The following CSGALNACT1 variants were observed in gnomAD, a reference collection of about 807,000 sequenced individuals.
CSGALNACT1 encodes the protein beta4GalNAcT-1.
In CSGALNACT1, 52 loss-of-function variants were observed where a neutral mutation model predicts 51.0. The observed-to-expected ratio is 1.02, with a 90% confidence interval of 0.82 to 1.29. The LOEUF (loss-of-function observed/expected upper bound fraction) is 1.29, where lower values mean the gene tolerates loss of function less well. CSGALNACT1 is among the 50% of genes most tolerant of loss of function. CSGALNACT1 has a pLI of 0.00. For missense variants in CSGALNACT1, 935 were observed against 679.2 expected, an observed-to-expected ratio of 1.38 and a Z score of -4.19; for synonymous variants, 341 against 254.4, an observed-to-expected ratio of 1.34 and a Z score of -3.24.
At chr8:19,725,985 C>T (rs1199120690) in intron 1 of CSGALNACT1, among the ~76,000 whole-genome samples, 1 of 152,094 alleles carries the variant, frequency 6.6e-6, no homozygotes, top group Non-Finnish European at 1.5e-5. Context: ...TGACATGGAG[C>T]CACAATTATA....
chr8:19,589,415 TC>T (rs1229821834), intron 3 of CSGALNACT1, among the ~76,000 whole-genome samples: 27 of 152,310 alleles, frequency 1.8e-4, no homozygotes, highest in South Asian at 8.3e-4. Flanking sequence ...AACCTCCGTC[TC>T]CCAGGTTCAA....
chr8:19,442,963 A>C (rs2061557694), intron 5 of CSGALNACT1, among the ~76,000 whole-genome samples: 1 of 152,140 alleles, frequency 6.6e-6, no homozygotes, highest in African/African-American at 2.4e-5. Flanking sequence ...ACCCTTCCCA[A>C]GCAGATATCA....
upstream of CSGALNACT1, among the ~76,000 whole-genome samples, chr8:19,684,555 C>G (rs1049984809): frequency 1.3e-5 from 2 of 152,140 alleles, no homozygotes; most frequent in Admixed American, 6.5e-5. Context: ...AAAAAGGGAA[C>G]AGATGCCTCC....
chr8:19,501,785 T>C (rs1283750905), intron 4 of CSGALNACT1, among the ~76,000 whole-genome samples: 2 of 152,244 alleles, frequency 1.3e-5, no homozygotes, highest in Admixed American at 6.5e-5. Context: ...GATTAGTTTG[T>C]ATATCCCATC....
intron 4 of CSGALNACT1, among the ~76,000 whole-genome samples, chr8:19,493,871 TACACACACACACACACACACAC>T (rs57708862): frequency 1.3e-5 from 2 of 149,002 alleles, no homozygotes; most frequent in African/African-American, 2.5e-5. Flanking sequence ...TGTGTGTTTA[TACACACACACACACACACACAC>T]ACACACACAC....
chr8:19,404,883 C>T (rs572622031), exon 10 of CSGALNACT1: 2 of 454,468 alleles, frequency 4.4e-6, no homozygotes, highest in East Asian at 7.0e-5. Flanking sequence ...CGAAAATACT[C>T]TTCAGAGAAA....
chr8:19,564,076 C>T (rs889299617), intron 3 of CSGALNACT1, among the ~76,000 whole-genome samples: 1 of 152,214 alleles, frequency 6.6e-6, no homozygotes, highest in Non-Finnish European at 1.5e-5. Flanking sequence ...ACTGTCGGTG[C>T]TCCCACAGGA....
At chr8:19,658,187 G>A (rs902053761) in intron 1 of CSGALNACT1, among the ~76,000 whole-genome samples, 3 of 151,084 alleles carry the variant, frequency 2.0e-5, no homozygotes, top group Admixed American at 6.6e-5. Context: ...CCTTATAACA[G>A]AATTAGTGCC....
At chr8:19,629,113 G>T (rs192559582) in intron 1 of CSGALNACT1, among the ~76,000 whole-genome samples, 1 of 152,158 alleles carries the variant, frequency 6.6e-6, no homozygotes, top group East Asian at 1.9e-4. Context: ...GGGAAATCAA[G>T]AGAGTAGTTT....
At chr8:19,505,112 G>A in intron 4 of CSGALNACT1, 89 bp downstream of exon 3, 1 of 1,447,844 alleles carries the variant, frequency 6.9e-7, no homozygotes, top group East Asian at 2.3e-5. Context: ...AGAGCCAGCT[G>A]CCAGCCTCCT....
intron 8 of CSGALNACT1, among the ~76,000 whole-genome samples, chr8:19,411,940 C>T (rs560967656): frequency 4.9e-4 from 75 of 151,732 alleles, no homozygotes; most frequent in African/African-American, 1.7e-3. Flanking sequence ...AAGCAATTCT[C>T]GTGCCTCAGC....
At chr8:19,601,642 G>C (rs1461962015) in intron 2 of CSGALNACT1, 129 bp downstream of exon 2, 3 of 308,286 alleles carry the variant, frequency 9.7e-6, no homozygotes, top group African/African-American at 6.6e-5. Flanking sequence ...TTCTCTTGAA[G>C]TAATAACTTG....
At chr8:19,650,204 A>T (rs1190336506) in intron 1 of CSGALNACT1, among the ~76,000 whole-genome samples, 1 of 152,234 alleles carries the variant, frequency 6.6e-6, no homozygotes, top group African/African-American at 2.4e-5. Context: ...ACATAAAACT[A>T]AATAAAAGTA....
exon 5 of CSGALNACT1, chr8:19,458,608 C>T (rs1160585812): frequency 3.7e-6 from 6 of 1,614,138 alleles, no homozygotes; most frequent in Non-Finnish European, 5.1e-6. Context: ...TGAGCTCATA[C>T]AATGTCCCTT....
At chr8:19,658,849 C>T (rs747803251) in intron 1 of CSGALNACT1, among the ~76,000 whole-genome samples, 2 of 152,172 alleles carry the variant, frequency 1.3e-5, no homozygotes, top group Non-Finnish European at 2.9e-5. Context: ...GGAATTGAGG[C>T]TGAAAAGTGA....
intron 4 of CSGALNACT1, among the ~76,000 whole-genome samples, chr8:19,481,763 T>C (rs898837872): frequency 1.3e-5 from 2 of 152,230 alleles, no homozygotes; most frequent in South Asian, 4.2e-4. Flanking sequence ...ATACCACAGG[T>C]GACAGGACTA....
intron 3 of CSGALNACT1, among the ~76,000 whole-genome samples, chr8:19,577,760 A>G (rs1272300744): frequency 6.6e-6 from 1 of 152,058 alleles, no homozygotes; most frequent in Non-Finnish European, 1.5e-5. Flanking sequence ...GTCTGACTTG[A>G]GTAAGAAGCT....
intron 4 of CSGALNACT1, among the ~76,000 whole-genome samples, chr8:19,479,150 G>A (rs1332229371): frequency 6.6e-6 from 1 of 152,230 alleles, no homozygotes; most frequent in Non-Finnish European, 1.5e-5. Flanking sequence ...ATACAATTCA[G>A]AGCAGGGAGC....
At chr8:19,622,290 G>A (rs1434790315) in intron 1 of CSGALNACT1, among the ~76,000 whole-genome samples, 1 of 152,178 alleles carries the variant, frequency 6.6e-6, no homozygotes, top group Non-Finnish European at 1.5e-5. Flanking sequence ...TTTGAAGGTT[G>A]AGATGTAATT....
Sources: allele counts gnomAD v4.1 joint callset (sites outside exome capture counted in the v4.1 genomes callset), GRCh38; gene constraint gnomAD v4.1.1; transcripts MANE v1.5; gene names NCBI Gene and HGNC (gene_info 2026-07-23, HGNC 2026-07-21).